The following ZNF618 variants were observed in gnomAD, a reference collection of about 807,000 sequenced individuals.
ZNF618 encodes neural precursor cell expressed, developmentally down-regulated 10.
In ZNF618, 34 loss-of-function variants were observed where a neutral mutation model predicts 103.0. That is an observed-to-expected ratio of 0.33 (90% CI 0.25 to 0.44). ZNF618 has a LOEUF of 0.44. Ranked by LOEUF, ZNF618 falls within the 20% of genes least tolerant of loss-of-function variation. ZNF618 has a pLI of 1.00. For missense variants in ZNF618, 1,059 were observed against 1,295.4 expected (o/e 0.82, Z 2.80); for synonymous variants, 551 against 542.2 (o/e 1.02, Z -0.23).
intron 1 of ZNF618, among the ~76,000 whole-genome samples, chr9:113,945,325 G>A (rs762022930): frequency 6.6e-6 from 1 of 152,174 alleles, no homozygotes; most frequent in Admixed American, 6.5e-5. Context: ...AGACTAGATT[G>A]TTGCCCCGTG....
At chr9:113,892,691 G>A (rs934083107) in intron 1 of ZNF618, among the ~76,000 whole-genome samples, 1 of 152,156 alleles carries the variant, frequency 6.6e-6, no homozygotes, top group African/African-American at 2.4e-5. Context: ...AGCATTTACA[G>A]AAATTATACA....
At chr9:113,905,551 C>T (rs895849662) in intron 1 of ZNF618, among the ~76,000 whole-genome samples, 4 of 152,176 alleles carry the variant, frequency 2.6e-5, no homozygotes, top group African/African-American at 9.7e-5. Context: ...TTTTGTGACC[C>T]TTTATAGAAA....
At chr9:113,998,122 G>A (rs778924183) in intron 3 of ZNF618, 137 bp from the exon 4 acceptor site, 3 of 772,934 alleles carry the variant, frequency 3.9e-6, no homozygotes, top group Non-Finnish European at 6.4e-6. Context: ...CCCTTGGCCA[G>A]CACAAGGTTT....
At position 114,049,270 on chromosome 9, in the gene ZNF618, C is replaced by T. The variant is rs1401456485; in HGVS notation, c.1968C>T (p.Arg656=). Residue 656 remains arginine (R), a synonymous_variant, in exon 15 of 15, where the codon CGC becomes CGT. Transcript: ENST00000374126. ...TGAGCAAGCGGACACTGCAGGCCCG[C>T]AGCATGCACGAGGTCATCGAGCTGC... The part of the protein sequence containing the change: ...SVLSKRTLQA[R]SMHEVIELLN... 2 of 1,612,646 alleles carry T rather than the reference C, an allele frequency of 1.2e-6. No individual in the cohort carries two copies. The highest frequency in any genetic ancestry group is 1.7e-6 in the Non-Finnish European group (2 of 1,179,684).
chr9:114,032,668 G>C lies in ZNF618; in HGVS notation c.1108G>C (p.Val370Leu). The change falls in exon 12 of 15, where the codon GTA becomes CTA. Residue 370 changes from valine to leucine, a missense_variant. Physicochemically the swap from Val to Leu is conservative, Grantham distance 32. Coordinates refer to ENST00000374126, the MANE Select transcript of ZNF618 (RefSeq NM_001318042.2). ...AGCAGAAAGCGCTTTCAGTCGGAGA[G>C]TAGAAGGCAAAGCACAAAACCACTT... ...TAAESAFSRR[V>L]EGKAQNHFEE... 1 of 1,614,052 alleles carries C rather than the reference G, an allele frequency of 6.2e-7. No individual in the cohort carries two copies. The highest frequency in any genetic ancestry group is 8.5e-7 in the Non-Finnish European group (1 of 1,179,902).
At chr9:113,997,601 C>G (rs1840744274) in intron 3 of ZNF618, among the ~76,000 whole-genome samples, 1 of 152,170 alleles carries the variant, frequency 6.6e-6, no homozygotes, top group South Asian at 2.1e-4. Context: ...AGCCAGGACC[C>G]CGAGCCCACT....
chr9:113,978,255 G>C (rs550564993), intron 2 of ZNF618, among the ~76,000 whole-genome samples: 3 of 152,222 alleles, frequency 2.0e-5, no homozygotes, highest in Non-Finnish European at 4.4e-5. Flanking sequence ...TGTCATTTGC[G>C]GACACTGTGG....
rs564085753 is a variant in ZNF618, at chr9:113,929,670, C to G, written c.34-39447C>G. On this transcript the variant is annotated intron_variant, in intron 1 of 14. Coordinates refer to ENST00000374126, the MANE Select transcript of ZNF618 (RefSeq NM_001318042.2). The stretch of plus-strand genomic sequence containing the variant: ...TGGGCTGGGAATCCTGAATTCAGGT[C>G]TGAAATGTGCTCTCTGGGCCTCAGT... 6.6e-5 allele frequency among the ~76,000 whole-genome samples: 10 copies of G among 152,278 alleles called. No homozygotes were observed. In the East Asian group the frequency reaches 1.7e-3, roughly 26 times the overall value.
At position 114,007,340 on chromosome 9, in the gene ZNF618, T is replaced by C. The variant is rs746316059; in HGVS notation, c.551-10T>C. 2.5e-6 allele frequency: 4 copies of C among 1,613,226 alleles called. No individual in the cohort carries two copies. The highest frequency in any genetic ancestry group is 3.4e-6 in the Non-Finnish European group (4 of 1,179,532). On this transcript the variant is annotated splice_polypyrimidine_tract_variant and intron_variant, in intron 6 of 14. Coordinates refer to ENST00000374126, the MANE Select transcript of ZNF618 (RefSeq NM_001318042.2). ...CCTGGTAACCAGGTGTGTGTTTTCA[T>C]CCCATGCAGACAATTTCAGGTACAC... is the stretch of plus-strand genomic sequence containing the variant.
chr9:113,897,676 A>T (rs1264688295), intron 1 of ZNF618, among the ~76,000 whole-genome samples: 2 of 151,918 alleles, frequency 1.3e-5, no homozygotes, highest in Admixed American at 6.6e-5. Context: ...ATCTCTTTAA[A>T]TTTTTTTTAG....
intron 1 of ZNF618, among the ~76,000 whole-genome samples, chr9:113,911,718 T>G (rs908038085): frequency 3.3e-5 from 5 of 152,174 alleles, no homozygotes; most frequent in Admixed American, 2.0e-4. Flanking sequence ...GATTCCTGTT[T>G]CCCAGTGTTA....
Position 114,028,773 on chromosome 9 carries a change from G to T in ZNF618, c.885G>T (p.Thr295=). The T allele has an allele frequency of 6.4e-7, 1 of 1,550,496 alleles. No homozygotes were observed. Among genetic ancestry groups the T allele is most frequent in the South Asian group, 1.2e-5 (1 of 84,056 alleles). The part of the protein sequence containing the change: ...PGWEPPDDPD[T]GSECSHPEVS... ...GGGAGCCACCGGATGATCCAGACAC[G>T]GGCTCTGAGTGTTCACATCCAGAGG... Residue 295 remains threonine (T), a synonymous_variant, in exon 11 of 15, where the codon ACG becomes ACT. Coordinates refer to ENST00000374126, the MANE Select transcript of ZNF618 (RefSeq NM_001318042.2).
intron 1 of ZNF618, among the ~76,000 whole-genome samples, chr9:113,916,280 C>T (rs1832071119): frequency 6.6e-6 from 1 of 152,122 alleles, no homozygotes; most frequent in African/African-American, 2.4e-5. Context: ...GCCATGAGCT[C>T]AGGCCCAGAA....
At position 114,036,358 on chromosome 9, in the gene ZNF618, G is replaced by A; in HGVS notation, c.1227G>A (p.Glu409=). The A allele has an allele frequency of 6.3e-7, 1 of 1,582,038 alleles. No individual in the cohort carries two copies. Among genetic ancestry groups the A allele is most frequent in the Non-Finnish European group, 8.6e-7 (1 of 1,163,390 alleles). ...TCCAGTTCTACAACAACCTGTTGGA[G>A]CACATGCAGTCCCATGCAGGTAAGT... ...IQFQFYNNLL[E]HMQSHAADNE... is the part of the protein sequence containing the mutation. The change falls in exon 13 of 15, where the codon GAG becomes GAA. Residue 409 remains glutamate (E), a synonymous_variant. Coordinates refer to ENST00000374126, the MANE Select transcript of ZNF618 (RefSeq NM_001318042.2).
intron 14 of ZNF618, among the ~76,000 whole-genome samples, chr9:114,048,404 G>T (rs186654111): frequency 6.6e-6 from 1 of 152,100 alleles, no homozygotes; most frequent in African/African-American, 2.4e-5. Context: ...GACATAGACC[G>T]CAATTATGTT....
intron 12 of ZNF618, among the ~76,000 whole-genome samples, chr9:114,034,125 C>A (rs1427707341): frequency 6.6e-6 from 1 of 152,180 alleles, no homozygotes; most frequent in Non-Finnish European, 1.5e-5. Context: ...ATTACATACT[C>A]AGGTGTTAGG....
chr9:113,925,484 T>A (rs1833012143), intron 1 of ZNF618, among the ~76,000 whole-genome samples: 1 of 151,844 alleles, frequency 6.6e-6, no homozygotes, highest in African/African-American at 2.4e-5. Context: ...CTCTGTCTTT[T>A]TATTGGCATT....
rs561056266 is a variant in ZNF618 at position 113,881,131 on chromosome 9, A to G, written c.33+4718A>G. Among the ~76,000 whole-genome samples the G allele has an allele frequency of 7.9e-5, 12 of 152,328 alleles. No individual in the cohort carries two copies. The South Asian group carries it at 1.0e-3, about 13-fold the overall frequency. On this transcript the variant is annotated intron_variant, in intron 1 of 14. Coordinates refer to ENST00000374126, the MANE Select transcript of ZNF618 (RefSeq NM_001318042.2). Reference sequence around the variant, plus strand: ...GGTCTTCTTGCTGGAGAGGAGATCTAAAGTGTGTGGAGTCCTTGTCTTTTG... The same window carrying G: ...GGTCTTCTTGCTGGAGAGGAGATCTGAAGTGTGTGGAGTCCTTGTCTTTTG...
In ZNF618 at chr9:113,951,561, A is replaced by G. The variant is rs1034858083; in HGVS notation, c.34-17556A>G. ...TACATATGTACACATATGTGTGTGTATATGTGTGTGTGTATATGTGTGTGT... is the reference window on the plus strand; with the variant it reads ...TACATATGTACACATATGTGTGTGTGTATGTGTGTGTGTATATGTGTGTGT... On this transcript the variant is annotated intron_variant, in intron 1 of 14. Transcript: ENST00000374126. Among the ~76,000 whole-genome samples the G allele has an allele frequency of 4.3e-3, 194 of 44,844 alleles. 30 individuals carry two copies. The highest frequency in any genetic ancestry group is 9.4e-3 in the African/African-American group (165 of 17,544). 29.4% of individuals were successfully genotyped at this position (44,844 alleles called of 152,430 possible). A position where few individuals can be genotyped will look rare whatever the true frequency, so the allele number is the denominator to read the frequency against.
Sources: allele counts gnomAD v4.1 joint callset (sites outside exome capture counted in the v4.1 genomes callset), GRCh38; gene constraint gnomAD v4.1.1; transcripts MANE v1.5; gene names NCBI Gene and HGNC (gene_info 2026-07-23, HGNC 2026-07-21).